Variants in CILK1 observed in about 807,000 individuals in gnomAD.
The protein encoded by CILK1 is ciliogenesis associated kinase 1, also known as serine/threonine-protein kinase ICK.
A neutral mutation model predicts 79.2 loss-of-function variants in CILK1; 47 were observed. The observed-to-expected ratio is 0.59, with a 90% CI of 0.47 to 0.76. The LOEUF (loss-of-function observed/expected upper bound fraction) is 0.76. Among genes scored for constraint, CILK1 ranks in the 30% least tolerant of loss-of-function variants. CILK1 has a pLI of 0.00. For synonymous variants in CILK1, 266 were observed against 275.9 expected (o/e 0.96, Z 0.36); for missense variants, 660 against 769.5 (o/e 0.86, Z 1.68).
At chr6:53,040,045 G>A (rs1301215034) in intron 2 of CILK1, among the ~76,000 whole-genome samples, 1 of 152,114 alleles carries the variant, frequency 6.6e-6, no homozygotes, top group African/African-American at 2.4e-5. Flanking sequence ...AACAAATTTG[G>A]GGTAAGAGAG....
intron 3 of CILK1, among the ~76,000 whole-genome samples, chr6:53,036,287 T>G (rs1029191569): frequency 6.6e-6 from 1 of 152,208 alleles, no homozygotes; most frequent in African/African-American, 2.4e-5. Flanking sequence ...CTGATGTTTG[T>G]TTTTTTATAT....
At chr6:53,019,101 T>C in intron 6 of CILK1, 126 bp downstream of exon 6, 4 of 859,206 alleles carry the variant, frequency 4.7e-6, no homozygotes, top group South Asian at 3.2e-5. Flanking sequence ...TCTATAAATA[T>C]ATGTTTCAGA....
intron 12 of CILK1, among the ~76,000 whole-genome samples, chr6:53,007,172 G>A (rs898300177): frequency 6.6e-5 from 10 of 152,156 alleles, no homozygotes; most frequent in African/African-American, 4.8e-5. Flanking sequence ...ATTATTGCCC[G>A]TTATAGAAAT....
chr6:53,013,189 C>G (rs554250410), intron 9 of CILK1, among the ~76,000 whole-genome samples: 63 of 152,346 alleles, frequency 4.1e-4, no homozygotes, highest in Non-Finnish European at 8.2e-4. Flanking sequence ...GGATTAATAA[C>G]AATTACTGAC....
intron 12 of CILK1, 140 bp from the exon 13 acceptor site, chr6:53,006,577 T>A (rs1365259182): frequency 4.2e-6 from 4 of 956,988 alleles, no homozygotes; most frequent in Non-Finnish European, 4.8e-6. Flanking sequence ...TAAAAATGAG[T>A]TCAGAGCCAA....
intron 1 of CILK1, among the ~76,000 whole-genome samples, chr6:53,044,389 T>C (rs1766919877): frequency 6.6e-6 from 1 of 152,212 alleles, no homozygotes; most frequent in Admixed American, 6.5e-5. Context: ...CCTGAAACCA[T>C]GGACAGTAGA....
At chr6:53,042,708 C>T (rs1766797101) in intron 1 of CILK1, among the ~76,000 whole-genome samples, 1 of 152,144 alleles carries the variant, frequency 6.6e-6, no homozygotes, top group Non-Finnish European at 1.5e-5. Flanking sequence ...TACAAAGTGT[C>T]CAGATCACAA....
intron 5 of CILK1, 95 bp downstream of exon 5, chr6:53,030,970 G>T: frequency 1.2e-6 from 1 of 834,674 alleles, no homozygotes; most frequent in East Asian, 2.5e-5. Flanking sequence ...CCTTTTCTGG[G>T]AGTCAGCTAC....
At chr6:53,052,743 C>A (rs998600832) in intron 1 of CILK1, among the ~76,000 whole-genome samples, 75 of 151,196 alleles carry the variant, frequency 5.0e-4, no homozygotes, top group African/African-American at 1.8e-3. Context: ...AAAAAAAAAT[C>A]AATAAATAAA....
intron 5 of CILK1, among the ~76,000 whole-genome samples, chr6:53,024,098 C>T (rs1348827574): frequency 2.0e-5 from 3 of 152,190 alleles, no homozygotes; most frequent in African/African-American, 7.2e-5. Flanking sequence ...TATTTTATAG[C>T]ACATGCATAC....
chr6:53,013,246 T>G (rs1472489187), intron 9 of CILK1, among the ~76,000 whole-genome samples: 1 of 152,228 alleles, frequency 6.6e-6, no homozygotes, highest in East Asian at 1.9e-4. Flanking sequence ...TAAATTCTTT[T>G]CAAGTATTAA....
In CILK1 at chr6:53,011,785, G is replaced by A. The variant is rs781680438; in HGVS notation, c.1476C>T (p.His492=). The A allele has an allele frequency of 1.9e-6, 3 of 1,614,074 alleles. No individual in the cohort carries two copies. The highest frequency in any genetic ancestry group is 1.3e-5 in the African/African-American group (1 of 75,032). The change falls in exon 11 of 14, where the codon CAC becomes CAT. Residue 492 remains histidine (H), a synonymous_variant. Transcript: ENST00000676107. ...RSAAKQHYLK[H]SRYLPGISIR... is the part of the protein sequence containing the mutation. Reference sequence around the variant, plus strand: ...TTATATTACCAGGCAAGTATCGAGAGTGCTTCAAATAGTGCTGCTTGGCTG... The same window carrying A: ...TTATATTACCAGGCAAGTATCGAGAATGCTTCAAATAGTGCTGCTTGGCTG...
At chr6:53,056,574 C>G (rs1767889770) in intron 1 of CILK1, among the ~76,000 whole-genome samples, 1 of 152,214 alleles carries the variant, frequency 6.6e-6, no homozygotes, top group African/African-American at 2.4e-5. Context: ...CACTTTAGTA[C>G]TCTCCATAGA....
At chr6:53,051,397 T>A (rs1767473045) in intron 1 of CILK1, among the ~76,000 whole-genome samples, 1 of 152,182 alleles carries the variant, frequency 6.6e-6, no homozygotes, top group Admixed American at 6.5e-5. Context: ...AGGTCAGAAG[T>A]CTGAAACCAG....
chr6:53,056,733 G>A (rs905875663), intron 1 of CILK1, among the ~76,000 whole-genome samples: 3 of 152,148 alleles, frequency 2.0e-5, no homozygotes, highest in East Asian at 3.8e-4. Flanking sequence ...GCACAAGTAC[G>A]GACTCACAAT....
intron 5 of CILK1, among the ~76,000 whole-genome samples, chr6:53,025,381 A>G (rs1373785129): frequency 6.6e-6 from 1 of 152,022 alleles, no homozygotes; most frequent in Non-Finnish European, 1.5e-5. Context: ...CCTATCATCA[A>G]TTCATACTCA....
rs527975184 is a variant in CILK1, at chr6:53,019,296, A to G, written c.422T>C (p.Ile141Thr). Residue 141 changes from isoleucine to threonine, a missense_variant, in exon 6 of 14, where the codon ATT becomes ACT. Physicochemically the swap from Ile to Thr is moderately conservative, Grantham distance 89. Coordinates refer to ENST00000676107, the MANE Select transcript of CILK1 (RefSeq NM_014920.5). Reference protein sequence around the residue: ...LLCMGPELVKIADFGLAREIR... With the variant: ...LLCMGPELVKTADFGLAREIR... ...TTCTCGGGCCAAACCAAAGTCTGCA[A>G]TTTTCACAAGTTCTGGTCCCATGCA... The G allele has an allele frequency of 1.9e-6, 3 of 1,614,060 alleles. No individual in the cohort carries two copies. Among genetic ancestry groups the G allele is most frequent in the Non-Finnish European group, 2.5e-6 (3 of 1,179,930 alleles).
At chr6:53,018,527 G>C in intron 6 of CILK1, 26 bp from the exon 7 acceptor site, 2 of 1,609,352 alleles carry the variant, frequency 1.2e-6, no homozygotes, top group East Asian at 2.2e-5. Flanking sequence ...TTAACTGCTA[G>C]CTATTGCTTC....
chr6:53,053,052 G>A (rs1171963938), intron 1 of CILK1, among the ~76,000 whole-genome samples: 4 of 143,072 alleles, frequency 2.8e-5, no homozygotes, highest in Non-Finnish European at 3.0e-5. Flanking sequence ...GTAAAAGCCT[G>A]AAAAAAAAAA....
Sources: gnomAD v4.1 joint callset for allele counts (sites outside exome capture counted in the v4.1 genomes callset) on GRCh38, gnomAD v4.1.1 for gene constraint, MANE v1.5 for transcripts, NCBI Gene and HGNC (gene_info 2026-07-23, HGNC 2026-07-21) for gene names.